Variants in FILIP1 observed in about 807,000 individuals in gnomAD.
FILIP1 encodes the protein filamin-A-interacting protein 1.
A neutral mutation model predicts 102.1 loss-of-function variants in FILIP1; 61 were observed. The observed-to-expected ratio is 0.60, with a 90% confidence interval of 0.49 to 0.74. The LOEUF (loss-of-function observed/expected upper bound fraction) is 0.74, where lower values mean the gene tolerates loss of function less well. FILIP1 is among the 30% of genes least tolerant of loss of function. The pLI is 0.00. For missense variants in FILIP1, 1,314 were observed against 1,441.2 expected, an observed-to-expected ratio of 0.91 and a Z score of 1.43; for synonymous variants, 491 against 526.9, an observed-to-expected ratio of 0.93 and a Z score of 0.93.
intron 4 of FILIP1, among the ~76,000 whole-genome samples, chr6:75,321,748 T>C (rs1285661046): frequency 1.5e-4 from 22 of 150,876 alleles, no homozygotes; most frequent in African/African-American, 4.6e-4. Flanking sequence ...GAGCCGAGAT[T>C]GCGCCACTGC....
At chr6:75,336,396 T>A (rs1774243538) in intron 4 of FILIP1, among the ~76,000 whole-genome samples, 2 of 152,134 alleles carry the variant, frequency 1.3e-5, no homozygotes, top group African/African-American at 4.8e-5. Flanking sequence ...TGATGCATAG[T>A]GGGCCCACAA....
chr6:75,313,398 C>A lies in FILIP1; in HGVS notation c.2434G>T (p.Gly812Cys). 6.2e-7 allele frequency: 1 copy of A among 1,614,180 alleles called. No homozygotes were observed. The highest frequency in any genetic ancestry group is 1.7e-4 in the Middle Eastern group (1 of 6,060). Residue 812 changes from glycine (G) to cysteine (C), a missense_variant, in exon 5 of 6, where the codon GGT (glycine) becomes TGT (cysteine). Around this residue, in one of 3 missense-constraint regions of FILIP1, gnomAD observed 816 missense variants for 913.1 expected, o/e 0.89. Transcript: ENST00000237172. The surrounding 1 kb of genome is among the most constrained non-coding windows in gnomAD (Gnocchi z 4.2). ...STGVQTDAVS[G>C]EAAEEETPAV... ...GGCGTTTCTTCCTCTGCTGCTTCAC[C>A]GCTGACTGCATCAGTTTGGACTCCA...
chr6:75,445,341 C>T (rs1778409232), intron 1 of FILIP1, among the ~76,000 whole-genome samples: 1 of 152,062 alleles, frequency 6.6e-6, no homozygotes, highest in South Asian at 2.1e-4. Context: ...CCCCTCAAAG[C>T]ACCCTATACT....
intron 1 of FILIP1, among the ~76,000 whole-genome samples, chr6:75,441,930 G>A (rs1778265376): frequency 6.6e-6 from 1 of 151,432 alleles, no homozygotes; most frequent in South Asian, 2.1e-4. Context: ...GGCCGGGCGG[G>A]GGGCTGACCC....
chr6:75,308,544 A>T lies in FILIP1; in HGVS notation c.*147T>A. On this transcript the variant is annotated 3_prime_UTR_variant, in exon 6 of 6. Coordinates refer to ENST00000237172, the MANE Select transcript of FILIP1 (RefSeq NM_015687.5). ...CATCAAAACAAATGCACAAAATGGGAAAGACAAATGGTTATTAGTTGGTTA... is the reference window on the plus strand; with the variant it reads ...CATCAAAACAAATGCACAAAATGGGTAAGACAAATGGTTATTAGTTGGTTA... 6.8e-7 allele frequency: 1 copy of T among 1,465,662 alleles called. No individual in the cohort carries two copies. Among genetic ancestry groups the T allele is most frequent in the Non-Finnish European group, 9.0e-7 (1 of 1,113,118 alleles). 90.8% of individuals were successfully genotyped at this position (1,465,662 alleles called of 1,614,324 possible).
rs1237927757 is a variant in FILIP1 at position 75,484,275 on chromosome 6, TA to T, written c.-7+9138del. ...AAAGTACCCACTACCAAGGGTTGAATAATCACAGTTCCATACTCAATTCTAC... is the reference window on the plus strand; with the variant it reads ...AAAGTACCCACTACCAAGGGTTGAATATCACAGTTCCATACTCAATTCTAC... On this transcript the variant is annotated intron_variant, in intron 1 of 5. Transcript: ENST00000237172. Among the ~76,000 whole-genome samples the T allele has an allele frequency of 2.6e-5, 4 of 152,240 alleles. No individual in the cohort carries two copies. In the East Asian group the frequency reaches 5.8e-4, roughly 22 times the overall value.
intron 4 of FILIP1, chr6:75,334,674 T>C (rs1182147148): frequency 1.3e-5 from 2 of 152,174 alleles, no homozygotes; most frequent in Non-Finnish European, 2.9e-5. Context: ...AGCTTTGTTT[T>C]TGTTTTTGTT....
Position 75,308,680 on chromosome 6 carries a change from AGC to A in FILIP1, c.*9_*10del. 2 of 1,612,338 alleles carry A rather than the reference AGC, an allele frequency of 1.2e-6. No homozygotes were observed. The highest frequency in any genetic ancestry group is 1.7e-6 in the Non-Finnish European group (2 of 1,179,966). ...TAGCATCTGCACAACATACCCCCTT[AGC>A]CACTGCCCTCAGCCCTTCCCCCCTC... is the stretch of plus-strand genomic sequence containing the variant. On this transcript the variant is annotated 3_prime_UTR_variant, in exon 6 of 6. Coordinates refer to ENST00000237172, the MANE Select transcript of FILIP1 (RefSeq NM_015687.5).
downstream of FILIP1, among the ~76,000 whole-genome samples, chr6:75,303,488 T>C (rs761033430): frequency 1.3e-5 from 2 of 152,142 alleles, no homozygotes; most frequent in South Asian, 2.1e-4. Context: ...ATCTTGGTCA[T>C]TGAGGGAAAA....
intron 1 of FILIP1, among the ~76,000 whole-genome samples, chr6:75,415,826 G>A (rs1452945870): frequency 6.6e-6 from 1 of 152,136 alleles, no homozygotes; most frequent in Non-Finnish European, 1.5e-5. Flanking sequence ...CCCATGAGAA[G>A]CACATTCAAG....
At chr6:75,296,089 A>G (rs1772659594) in intron 6 of FILIP1, 1 of 515,188 alleles carries the variant, frequency 1.9e-6, no homozygotes, top group East Asian at 3.6e-5. Context: ...ACTTTCCTGC[A>G]TTACTATTCT....
chr6:75,489,999 A>AT (rs2149788397), intron 1 of FILIP1, among the ~76,000 whole-genome samples: 1 of 152,174 alleles, frequency 6.6e-6, no homozygotes, highest in East Asian at 1.9e-4. Flanking sequence ...AAGAGGGAAG[A>AT]TTAGACAAAT....
intron 2 of FILIP1, among the ~76,000 whole-genome samples, chr6:75,372,683 A>AAGAAAG (rs1481784110): frequency 8.3e-5 from 4 of 48,214 alleles, no homozygotes; most frequent in African/African-American, 4.9e-4. Context: ...GAAAGAAAGA[A>AAGAAAG]AGAGAAAGAA....
At chr6:75,376,576 A>G (rs541794398) in intron 2 of FILIP1, among the ~76,000 whole-genome samples, 3 of 152,242 alleles carry the variant, frequency 2.0e-5, no homozygotes, top group Admixed American at 2.0e-4. Flanking sequence ...CCTGACATAC[A>G]GTGAGGCCCA....
Position 75,479,177 on chromosome 6 carries a change from C to T in FILIP1, c.-7+14237G>A, listed in dbSNP as rs545211790. 2.0e-5 allele frequency among the ~76,000 whole-genome samples: 3 copies of T among 152,048 alleles called. No individual in the cohort carries two copies. In the South Asian group the frequency reaches 6.2e-4, roughly 32 times the overall value. ...TTTCATATAAGAGTCTCTAGGTCTG[C>T]CAAATTTTTACAAGTCAATAGATTT... is the stretch of plus-strand genomic sequence containing the variant. On this transcript the variant is annotated intron_variant, in intron 1 of 5. Transcript: ENST00000237172.
intron 2 of FILIP1, among the ~76,000 whole-genome samples, chr6:75,410,549 G>T (rs1406765070): frequency 6.6e-6 from 1 of 151,800 alleles, no homozygotes; most frequent in Admixed American, 6.6e-5. Flanking sequence ...CCATTCCCTT[G>T]CCCTGCAACC....
chr6:75,313,483 G>C lies in FILIP1; in HGVS notation c.2349C>G (p.Ser783Arg). 6.2e-7 allele frequency: 1 copy of C among 1,614,210 alleles called. No homozygotes were observed. Among genetic ancestry groups the C allele is most frequent in the Non-Finnish European group, 8.5e-7 (1 of 1,180,044 alleles). ...CATTCACACTGGGCCTAAGAGCTCT[G>C]CTGTAGCGCTTGGAAAGCTCCAACT... ...TKELELSKRY[S>R]RALRPSVNGR... The change falls in exon 5 of 6, where the codon AGC becomes AGG. Residue 783 changes from serine to arginine, a missense_variant. This residue lies in a region of FILIP1 where 816 missense variants were observed against 913.1 expected (regional missense o/e 0.89). Coordinates refer to ENST00000237172, the MANE Select transcript of FILIP1 (RefSeq NM_015687.5). The surrounding 1 kb of genome is among the most constrained non-coding windows in gnomAD (Gnocchi z 4.2).
At chr6:75,299,463 G>A (rs1047992802) in intron 6 of FILIP1, among the ~76,000 whole-genome samples, 6 of 152,098 alleles carry the variant, frequency 3.9e-5, no homozygotes, top group Admixed American at 6.6e-5. Flanking sequence ...TTAAATTTGG[G>A]ACCCTCTGAT....
At chr6:75,309,801 G>A (rs1054781689) in intron 5 of FILIP1, among the ~76,000 whole-genome samples, 4 of 152,238 alleles carry the variant, frequency 2.6e-5, no homozygotes, top group East Asian at 1.9e-4. Context: ...TCATGAAATC[G>A]TTATGATTCT....
Sources: allele counts gnomAD v4.1 joint callset (sites outside exome capture counted in the v4.1 genomes callset), GRCh38; gene constraint gnomAD v4.1.1; regional missense constraint gnomAD v4.1.1; non-coding constraint Gnocchi (gnomAD v3.1); transcripts MANE v1.5; gene names NCBI Gene and HGNC (gene_info 2026-07-23, HGNC 2026-07-21).